The following SEMA3A variants were observed in gnomAD, a reference collection of about 807,000 sequenced individuals.
SEMA3A encodes semaphorin-3A.
A neutral mutation model predicts 97.9 loss-of-function variants in SEMA3A; 29 were observed. The observed-to-expected ratio is 0.30, with a 90% confidence interval of 0.22 to 0.40. The LOEUF (loss-of-function observed/expected upper bound fraction) is 0.40, where lower values mean the gene tolerates loss of function less well. SEMA3A is among the 10% of genes least tolerant of loss of function. SEMA3A has a pLI of 1.00. For synonymous variants in SEMA3A, 321 were observed against 323.7 expected, an observed-to-expected ratio of 0.99 and a Z score of 0.09; for missense variants, 763 against 951.3, an observed-to-expected ratio of 0.80 and a Z score of 2.60.
rs189204142 is a variant in SEMA3A, at chr7:84,411,333, C to G, written c.-245-39433G>C. Among the ~76,000 whole-genome samples, 1,137 of 152,174 alleles carry G rather than the reference C, an allele frequency of 7.5e-3. 6 individuals are homozygous for G. The highest frequency in any genetic ancestry group is 0.012 in the Admixed American group (176 of 15,254). On this transcript the variant is annotated intron_variant, in intron 1 of 3. Transcript: ENST00000424555. The stretch of plus-strand genomic sequence containing the variant: ...GAAAGCACAGTCATTGGAGCATAAA[C>G]TTGAACAGGAATAATAAGACATTTT...
intron 1 of SEMA3A, among the ~76,000 whole-genome samples, chr7:84,144,180 G>A (rs796951458): frequency 8.1e-4 from 123 of 151,926 alleles, no homozygotes; most frequent in African/African-American, 2.7e-3. Flanking sequence ...AATAAATAAA[G>A]TGAGGTGTGT....
rs1790982706 is a variant in SEMA3A at position 84,013,773 on chromosome 7, G to C, written c.810+436C>G. Among the ~76,000 whole-genome samples the C allele has an allele frequency of 2.6e-5, 4 of 152,154 alleles. No homozygotes were observed. In the South Asian group the frequency reaches 8.3e-4, roughly 31 times the overall value. ...GAAGCGGGAGAATCACTTGAACCAG[G>C]GAGGCGGAGTTTGCAGTGAGCTGAG... is the stretch of plus-strand genomic sequence containing the variant. On this transcript the variant is annotated intron_variant, in intron 7 of 16. Coordinates refer to ENST00000265362, the MANE Select transcript of SEMA3A (RefSeq NM_006080.3).
chr7:84,483,491 A>G (rs1806496506), intron 1 of SEMA3A, among the ~76,000 whole-genome samples: 1 of 152,134 alleles, frequency 6.6e-6, no homozygotes, highest in Non-Finnish European at 1.5e-5. Flanking sequence ...TTTATAGAGA[A>G]GGAGGCTTTC....
At chr7:84,190,600 G>C (rs35743946) in intron 1 of SEMA3A, among the ~76,000 whole-genome samples, 9,534 of 150,870 alleles carry the variant, frequency 0.063, 353 homozygotes, top group African/African-American at 0.093. Context: ...GCTGTGAGCA[G>C]ATTTTTAGGG....
intron 1 of SEMA3A, among the ~76,000 whole-genome samples, chr7:84,158,993 C>T (rs1796940092): frequency 6.6e-6 from 1 of 151,934 alleles, no homozygotes; most frequent in African/African-American, 2.4e-5. Context: ...TGTTTTAAAG[C>T]TGGCATCTAC....
chr7:84,112,374 A>G (rs1189293502), intron 3 of SEMA3A, among the ~76,000 whole-genome samples: 2 of 152,158 alleles, frequency 1.3e-5, no homozygotes, highest in Admixed American at 6.5e-5. Context: ...TGTCTTTTTC[A>G]TTCTAGAAAA....
chr7:84,217,113 G>A (rs1470847838), intron 3 of SEMA3A, among the ~76,000 whole-genome samples: 1 of 152,164 alleles, frequency 6.6e-6, no homozygotes, highest in Non-Finnish European at 1.5e-5. Flanking sequence ...TGGCACAGCT[G>A]TAATGTGTTT....
intron 4 of SEMA3A, among the ~76,000 whole-genome samples, chr7:84,064,331 A>C (rs1024763793): frequency 6.6e-6 from 1 of 152,124 alleles, no homozygotes; most frequent in Non-Finnish European, 1.5e-5. Flanking sequence ...AAATGTAAAC[A>C]CCATCAAGAC....
intron 4 of SEMA3A, among the ~76,000 whole-genome samples, chr7:84,087,188 G>A (rs1001705434): frequency 2.0e-5 from 3 of 152,112 alleles, no homozygotes; most frequent in African/African-American, 7.2e-5. Context: ...CATAGTTACT[G>A]TAGTAAGAGG....
At chr7:83,986,636 G>T (rs1249005372) in intron 12 of SEMA3A, among the ~76,000 whole-genome samples, 1 of 152,090 alleles carries the variant, frequency 6.6e-6, no homozygotes, top group Non-Finnish European at 1.5e-5. Flanking sequence ...TTTCTGAGGG[G>T]TCTGATAAGA....
At chr7:84,043,800 TGA>T (rs1163933506) in intron 6 of SEMA3A, among the ~76,000 whole-genome samples, 1 of 152,060 alleles carries the variant, frequency 6.6e-6, no homozygotes, top group Non-Finnish European at 1.5e-5. Flanking sequence ...CGTTTAGTGC[TGA>T]GAGACTGATA....
At chr7:83,973,911 T>TTA (rs67909356) in intron 15 of SEMA3A, among the ~76,000 whole-genome samples, 1 of 151,770 alleles carries the variant, frequency 6.6e-6, no homozygotes, top group African/African-American at 2.4e-5. Context: ...GTAGTTTTTT[T>TTA]TTTTTTCCTT....
At chr7:84,122,472 T>C (rs1795653749) in intron 3 of SEMA3A, among the ~76,000 whole-genome samples, 1 of 152,088 alleles carries the variant, frequency 6.6e-6, no homozygotes, top group Admixed American at 6.6e-5. Flanking sequence ...CGTCTGCTCA[T>C]AAGATGTGAG....
At chr7:84,333,323 G>A (rs960007944) in intron 2 of SEMA3A, among the ~76,000 whole-genome samples, 2 of 152,020 alleles carry the variant, frequency 1.3e-5, no homozygotes, top group African/African-American at 4.8e-5. Context: ...ATCCTCCACT[G>A]GCTAGTATTC....
At chr7:84,415,838 A>G (rs1002802656) in intron 1 of SEMA3A, among the ~76,000 whole-genome samples, 27 of 151,602 alleles carry the variant, frequency 1.8e-4, no homozygotes, top group African/African-American at 5.8e-4. Flanking sequence ...GCGTTTTTGT[A>G]TTTTTTTTAT....
rs201748268 is a variant in SEMA3A at position 84,136,960 on chromosome 7, A to AGAAGGAAGGAAGGAAGGAAGGAAG, written c.113-2033_113-2010dup. On this transcript the variant is annotated intron_variant, in intron 1 of 16. Transcript: ENST00000265362. ...AGGGAGGGAGGGAAGGAGGGAGGGA[A>AGAAGGAAGGAAGGAAGGAAGGAAG]GAAGGAAGGAAGGAAGGAAGGAAGG... Among the ~76,000 whole-genome samples, 208 of 141,186 alleles carry AGAAGGAAGGAAGGAAGGAAGGAAG rather than the reference A, an allele frequency of 1.5e-3. 2 individuals carry two copies. Among genetic ancestry groups the AGAAGGAAGGAAGGAAGGAAGGAAG allele is most frequent in the African/African-American group, 4.3e-3 (158 of 36,738 alleles). The allele number at this position is 141,186 out of a possible 152,430, so 92.6% of individuals were successfully genotyped here.
At chr7:84,425,565 A>G (rs893331515) in intron 1 of SEMA3A, among the ~76,000 whole-genome samples, 2 of 145,722 alleles carry the variant, frequency 1.4e-5, no homozygotes, top group Non-Finnish European at 3.0e-5. Context: ...TATTTATATG[A>G]GTATAAACAT....
At chr7:83,990,727 T>G (rs1789881788) in intron 12 of SEMA3A, among the ~76,000 whole-genome samples, 1 of 114,326 alleles carries the variant, frequency 8.7e-6, no homozygotes, top group Non-Finnish European at 1.9e-5. Flanking sequence ...TGTAGCCTTG[T>G]AGTATAGTTT....
intron 1 of SEMA3A, among the ~76,000 whole-genome samples, chr7:84,469,747 ATTTAC>A (rs1396259020): frequency 3.3e-5 from 5 of 152,022 alleles, no homozygotes; most frequent in Non-Finnish European, 7.4e-5. Context: ...CTCACATACA[ATTTAC>A]TTTAGTTTAC....
Sources: gnomAD v4.1 joint callset for allele counts (sites outside exome capture counted in the v4.1 genomes callset) on GRCh38, gnomAD v4.1.1 for gene constraint, MANE v1.5 for transcripts, NCBI Gene and HGNC (gene_info 2026-07-23, HGNC 2026-07-21) for gene names.